PIP5K1B: variants seen among roughly 807,000 people sequenced by gnomAD.
The protein encoded by PIP5K1B is phosphatidylinositol-4-phosphate 5-kinase type 1 beta.
PIP5K1B carries 42 observed loss-of-function variants against 67.0 expected under a neutral mutation model. That is an observed-to-expected ratio of 0.63 (90% CI 0.49 to 0.81). The LOEUF is 0.81. Ranked by LOEUF, PIP5K1B falls within the 30% of genes least tolerant of loss-of-function variation. The probability of loss-of-function intolerance (pLI) is 0.00; values close to 1 mark genes in which losing one functional copy is unlikely to be tolerated. For missense variants in PIP5K1B, 459 were observed against 646.3 expected, an observed-to-expected ratio of 0.71 and a Z score of 3.14; for synonymous variants, 214 against 231.4, an observed-to-expected ratio of 0.92 and a Z score of 0.68.
chr9:69,004,742 A>G (rs1230779722), intron 15 of PIP5K1B, among the ~76,000 whole-genome samples: 1 of 152,120 alleles, frequency 6.6e-6, no homozygotes, highest in Non-Finnish European at 1.5e-5. Context: ...TAGAGAACTG[A>G]TGTTTGTGTC....
intron 5 of PIP5K1B, among the ~76,000 whole-genome samples, chr9:68,864,903 C>A (rs1264600689): frequency 6.6e-6 from 1 of 151,994 alleles, no homozygotes; most frequent in Non-Finnish European, 1.5e-5. Flanking sequence ...ACTTTGTTTA[C>A]CACTAGTGTC....
intron 4 of PIP5K1B, among the ~76,000 whole-genome samples, chr9:68,846,543 A>G (rs1235331000): frequency 6.6e-6 from 1 of 152,284 alleles, no homozygotes; most frequent in East Asian, 1.9e-4. Context: ...ATATGGAAAA[A>G]TGATTTGAGA....
At chr9:68,706,785 G>A (rs1827145825) in intron 1 of PIP5K1B, among the ~76,000 whole-genome samples, 2 of 152,180 alleles carry the variant, frequency 1.3e-5, no homozygotes, top group South Asian at 4.1e-4. Context: ...CTCTGTGTCA[G>A]TACTTCTGAG....
Position 68,863,951 on chromosome 9 carries a change from A to G in PIP5K1B, c.184A>G (p.Ser62Gly). The G allele has an allele frequency of 1.2e-6, 2 of 1,613,826 alleles. No homozygotes were observed. The highest frequency in any genetic ancestry group is 1.7e-6 in the Non-Finnish European group (2 of 1,179,792). Residue 62 changes from serine (S) to glycine (G), a missense_variant, in exon 5 of 16, where the codon AGT (serine) becomes GGT (glycine). By Grantham distance (56) the Ser-to-Gly change is moderately conservative. This residue lies in a region of PIP5K1B where 290 missense variants were observed against 474.4 expected (regional missense o/e 0.61). Coordinates refer to ENST00000265382, the MANE Select transcript of PIP5K1B (RefSeq NM_003558.4). ...TATGCAAGACTTTTATGTGGTGGAA[A>G]GTGTGTTCCTACCCAGGTAAGAACA... The part of the protein sequence containing the change: ...VLMQDFYVVE[S>G]VFLPSEGSNL...
chr9:68,971,050 G>T (rs980670214), intron 14 of PIP5K1B, among the ~76,000 whole-genome samples: 2 of 151,900 alleles, frequency 1.3e-5, no homozygotes, highest in Non-Finnish European at 2.9e-5. Flanking sequence ...TATGCAGAAC[G>T]TGCAGGTTTG....
Position 68,875,116 on chromosome 9 carries a change from T to C in PIP5K1B, c.201-1561T>C, listed in dbSNP as rs148510536. Reference sequence around the variant, plus strand: ...ATAACCATTTGAATGAGTGGATGATTTGGGGGTCATTCCTTACTATGTGAC... The same window carrying C: ...ATAACCATTTGAATGAGTGGATGATCTGGGGGTCATTCCTTACTATGTGAC... On this transcript the variant is annotated intron_variant, in intron 5 of 15. Transcript: ENST00000265382. Among the ~76,000 whole-genome samples the C allele has an allele frequency of 6.5e-3, 988 of 151,862 alleles. 5 individuals carry two copies. The highest frequency in any genetic ancestry group is 0.011 in the Non-Finnish European group (772 of 67,942).
intron 2 of PIP5K1B, among the ~76,000 whole-genome samples, chr9:68,791,899 T>G (rs1831991578): frequency 6.6e-6 from 1 of 152,244 alleles, no homozygotes; most frequent in Non-Finnish European, 1.5e-5. Flanking sequence ...CTGAGCTGCC[T>G]GCAGTTCAGT....
chr9:68,994,981 A>T (rs939672575), intron 15 of PIP5K1B, among the ~76,000 whole-genome samples: 1 of 33,284 alleles, frequency 3.0e-5, no homozygotes, highest in Non-Finnish European at 1.1e-4. Context: ...ACAAAAATTA[A>T]AAAAAAAAAA....
At chr9:68,979,381 G>A (rs978413371) in intron 14 of PIP5K1B, among the ~76,000 whole-genome samples, 2 of 152,202 alleles carry the variant, frequency 1.3e-5, no homozygotes, top group African/African-American at 2.4e-5. Flanking sequence ...CACAGTCAAC[G>A]ATGCCTGCTA....
chr9:68,796,999 G>A (rs1192623082), intron 2 of PIP5K1B, among the ~76,000 whole-genome samples: 1 of 152,074 alleles, frequency 6.6e-6, no homozygotes, highest in Admixed American at 6.6e-5. Flanking sequence ...TCAGTTTTAG[G>A]GTTATAAAAT....
chr9:69,005,430 CA>C (rs1831030865), intron 15 of PIP5K1B, among the ~76,000 whole-genome samples: 1 of 152,038 alleles, frequency 6.6e-6, no homozygotes, highest in African/African-American at 2.4e-5. Flanking sequence ...TCTTGTTGCC[CA>C]GGCTGGAGTT....
Position 68,729,931 on chromosome 9 carries a change from GA to G in PIP5K1B, c.-242-12559del, listed in dbSNP as rs57512192. On this transcript the variant is annotated intron_variant, in intron 1 of 15. Coordinates refer to ENST00000265382, the MANE Select transcript of PIP5K1B (RefSeq NM_003558.4). ...TTTCAAGGGAAAATAAGTCAAAGGA[GA>G]AAAAAAAAAATCTTGTTAGAACAAC... 7.5e-3 allele frequency among the ~76,000 whole-genome samples: 1,086 copies of G among 145,104 alleles called. 11 individuals are homozygous for G. The highest frequency in any genetic ancestry group is 0.024 in the African/African-American group (957 of 39,856).
At position 68,832,719 on chromosome 9, in the gene PIP5K1B, A is replaced by G. The variant is rs185893320; in HGVS notation, c.69+10036A>G. Among the ~76,000 whole-genome samples the G allele has an allele frequency of 8.5e-5, 13 of 152,326 alleles. No individual in the cohort carries two copies. In the East Asian group the frequency reaches 2.5e-3, roughly 29 times the overall value. ...CACCCAGAGACAGAAATTGGGTTCA[A>G]TTACTAGGAGACTTCTAAACTATTC... On this transcript the variant is annotated intron_variant, in intron 4 of 15. Transcript: ENST00000265382.
chr9:68,829,784 T>C (rs188955161), intron 4 of PIP5K1B, among the ~76,000 whole-genome samples: 46 of 152,332 alleles, frequency 3.0e-4, no homozygotes, highest in Admixed American at 2.1e-3. Flanking sequence ...CTTATAGTGC[T>C]GTGAGGATCA....
chr9:68,866,951 C>G (rs1206173781), intron 5 of PIP5K1B, among the ~76,000 whole-genome samples: 1 of 152,090 alleles, frequency 6.6e-6, no homozygotes, highest in East Asian at 1.9e-4. Context: ...GGGGTCAAAA[C>G]CAAAAAATCA....
chr9:69,008,161 C>T (rs973083769), intron 15 of PIP5K1B, among the ~76,000 whole-genome samples: 3 of 152,200 alleles, frequency 2.0e-5, no homozygotes, highest in African/African-American at 7.2e-5. Flanking sequence ...ACTTGGAGGG[C>T]AGGAGGGTGT....
chr9:68,839,579 G>A (rs1821806818), intron 4 of PIP5K1B, among the ~76,000 whole-genome samples: 1 of 152,096 alleles, frequency 6.6e-6, no homozygotes, highest in South Asian at 2.1e-4. Context: ...AAAAAGTAGA[G>A]ATTTTCTCCC....
Position 68,790,981 on chromosome 9 carries a change from G to A in PIP5K1B, c.-85-27480G>A, listed in dbSNP as rs544253712. 5.3e-4 allele frequency among the ~76,000 whole-genome samples: 81 copies of A among 152,304 alleles called. 1 individual carries two copies. Among genetic ancestry groups the A allele is most frequent in the African/African-American group, 1.9e-3 (78 of 41,566 alleles). On this transcript the variant is annotated intron_variant, in intron 2 of 15. Transcript: ENST00000265382. Reference sequence around the variant, plus strand: ...TCATTTACAAATTTTAAGGCAACATGACTGAAAGTAGAGAACAGAGAACCT... The same window carrying A: ...TCATTTACAAATTTTAAGGCAACATAACTGAAAGTAGAGAACAGAGAACCT...
intron 2 of PIP5K1B, chr9:68,784,274 T>C (rs1831481529): frequency 6.0e-6 from 1 of 166,940 alleles, no homozygotes; most frequent in African/African-American, 2.4e-5. Context: ...ATTGCTAATC[T>C]ATAAACTTTG....
Sources: gnomAD v4.1 joint callset for allele counts (sites outside exome capture counted in the v4.1 genomes callset) on GRCh38, gnomAD v4.1.1 for gene constraint, gnomAD v4.1.1 regional missense constraint, MANE v1.5 for transcripts, NCBI Gene and HGNC (gene_info 2026-07-23, HGNC 2026-07-21) for gene names.